The following RAB27B variants were observed in gnomAD, a reference collection of about 807,000 sequenced individuals.
RAB27B encodes the protein ras-related protein Rab-27B.
A neutral mutation model predicts 24.6 loss-of-function variants in RAB27B; 15 were observed. The observed-to-expected ratio is 0.61, with a 90% CI of 0.41 to 0.94. The LOEUF (loss-of-function observed/expected upper bound fraction) is 0.94, where lower values mean the gene tolerates loss of function less well. Among genes scored for constraint, RAB27B ranks in the 40% least tolerant of loss-of-function variants. The pLI is 0.00. For synonymous variants in RAB27B, 105 were observed against 92.5 expected, an observed-to-expected ratio of 1.14 and a Z score of -0.78; for missense variants, 261 against 266.8, an observed-to-expected ratio of 0.98 and a Z score of 0.15.
chr18:54,833,169 T>C (rs1172615977), intron 1 of RAB27B, among the ~76,000 whole-genome samples: 2 of 151,882 alleles, frequency 1.3e-5, no homozygotes, highest in African/African-American at 4.8e-5. Context: ...TCACATTGTT[T>C]GAAACAAAGC....
intron 2 of RAB27B, among the ~76,000 whole-genome samples, chr18:54,745,866 A>C (rs1021064988): frequency 6.8e-6 from 1 of 147,286 alleles, no homozygotes; most frequent in African/African-American, 2.5e-5. Context: ...TATTTAATAA[A>C]ATAAATATAA....
intron 3 of RAB27B, among the ~76,000 whole-genome samples, chr18:54,881,813 G>T (rs1228462440): frequency 6.6e-6 from 1 of 152,146 alleles, no homozygotes; most frequent in Non-Finnish European, 1.5e-5. Context: ...CATCCTGCTG[G>T]GGAGGAGAAA....
intron 1 of RAB27B, among the ~76,000 whole-genome samples, chr18:54,841,895 TC>T (rs1278423362): frequency 6.6e-6 from 1 of 152,130 alleles, no homozygotes; most frequent in Non-Finnish European, 1.5e-5. Flanking sequence ...AAAAATAGAC[TC>T]AGTACATAGA....
chr18:54,869,753 G>A (rs1049262745), intron 1 of RAB27B, among the ~76,000 whole-genome samples: 2 of 152,014 alleles, frequency 1.3e-5, no homozygotes, highest in Non-Finnish European at 2.9e-5. Flanking sequence ...TCCACAAATA[G>A]GTTCAAATAT....
intron 2 of RAB27B, among the ~76,000 whole-genome samples, chr18:54,772,737 T>C (rs1415381029): frequency 1.3e-5 from 2 of 152,190 alleles, no homozygotes; most frequent in African/African-American, 4.8e-5. Flanking sequence ...CTATAAGCCA[T>C]GCTTCTTATT....
intron 2 of RAB27B, among the ~76,000 whole-genome samples, chr18:54,755,153 G>T (rs372262489): frequency 2.0e-5 from 3 of 152,252 alleles, no homozygotes; most frequent in Non-Finnish European, 4.4e-5. Flanking sequence ...ACTTTGAGGG[G>T]CCCAGGCAGG....
chr18:54,804,225 A>G (rs557551758), intron 2 of RAB27B, among the ~76,000 whole-genome samples: 1 of 152,368 alleles, frequency 6.6e-6, no homozygotes, highest in East Asian at 1.9e-4. Flanking sequence ...ACTGAAGGAC[A>G]TTCAACCAAA....
chr18:54,833,308 TCTCC>T (rs1231390195), intron 1 of RAB27B, among the ~76,000 whole-genome samples: 1 of 149,524 alleles, frequency 6.7e-6, no homozygotes, highest in Non-Finnish European at 1.5e-5. Context: ...CTCATTGCAA[TCTCC>T]CTCCCCGGGG....
At chr18:54,816,341 G>A (rs1344540688) in intron 2 of RAB27B, among the ~76,000 whole-genome samples, 1 of 152,154 alleles carries the variant, frequency 6.6e-6, no homozygotes, top group Admixed American at 6.5e-5. Context: ...CATGGGGTTA[G>A]GGGTTGAATT....
At chr18:54,735,946 A>G (rs1392015369) in intron 2 of RAB27B, among the ~76,000 whole-genome samples, 4 of 152,212 alleles carry the variant, frequency 2.6e-5, no homozygotes, top group Non-Finnish European at 4.4e-5. Context: ...AGTAAACCAA[A>G]TGATACATAA....
At chr18:54,728,446 C>A (rs1909611724) in intron 2 of RAB27B, among the ~76,000 whole-genome samples, 1 of 152,116 alleles carries the variant, frequency 6.6e-6, no homozygotes, top group Admixed American at 6.5e-5. Flanking sequence ...GAATCCTCTA[C>A]CTAGCAAAAT....
chr18:54,813,539 G>C, intron 2 of RAB27B, among the ~76,000 whole-genome samples: 1 of 152,178 alleles, frequency 6.6e-6, no homozygotes, highest in Non-Finnish European at 1.5e-5. Context: ...TCTGCCCTCT[G>C]TCTTGCTTCC....
intron 2 of RAB27B, among the ~76,000 whole-genome samples, chr18:54,756,484 C>T (rs1466064811): frequency 6.6e-6 from 1 of 152,088 alleles, no homozygotes; most frequent in Non-Finnish European, 1.5e-5. Context: ...CCTTCTTTAG[C>T]CCCTAGGAAC....
At chr18:54,765,319 T>C (rs141992205) in intron 2 of RAB27B, among the ~76,000 whole-genome samples, 116 of 152,248 alleles carry the variant, frequency 7.6e-4, no homozygotes, top group African/African-American at 2.5e-3. Flanking sequence ...TCCCATTCCC[T>C]GGAGCCCAGT....
chr18:54,725,994 C>T (rs1380471216), intron 2 of RAB27B, among the ~76,000 whole-genome samples: 5 of 151,552 alleles, frequency 3.3e-5, no homozygotes, highest in Non-Finnish European at 7.4e-5. Flanking sequence ...TATATTGATA[C>T]TTCATGACAG....
intron 2 of RAB27B, among the ~76,000 whole-genome samples, chr18:54,743,958 A>G (rs1910151252): frequency 6.6e-6 from 1 of 152,244 alleles, no homozygotes; most frequent in Admixed American, 6.5e-5. Context: ...AAGAGATGTT[A>G]GTGGTGAAAA....
chr18:54,761,298 A>G (rs1908181431), intron 2 of RAB27B, among the ~76,000 whole-genome samples: 1 of 152,122 alleles, frequency 6.6e-6, no homozygotes, highest in Non-Finnish European at 1.5e-5. Flanking sequence ...AAATATTTTC[A>G]CTCAAATAGA....
At chr18:54,776,389 G>A (rs534506620) in intron 2 of RAB27B, among the ~76,000 whole-genome samples, 2 of 152,326 alleles carry the variant, frequency 1.3e-5, no homozygotes, top group Non-Finnish European at 2.9e-5. Flanking sequence ...TGAGCCCTGC[G>A]TTGTGTAGGC....
At chr18:54,847,923 C>A (rs546411259) in intron 1 of RAB27B, among the ~76,000 whole-genome samples, 1 of 152,128 alleles carries the variant, frequency 6.6e-6, no homozygotes, top group Admixed American at 6.5e-5. Flanking sequence ...TCACAAATCC[C>A]TTAGGCCCAG....
Sources: gnomAD v4.1 joint callset for allele counts (sites outside exome capture counted in the v4.1 genomes callset) on GRCh38, gnomAD v4.1.1 for gene constraint, MANE v1.5 for transcripts, NCBI Gene and HGNC (gene_info 2026-07-23, HGNC 2026-07-21) for gene names.